The following GRIK3 variants were observed in gnomAD, a reference collection of about 807,000 sequenced individuals.
GRIK3 encodes glutamate ionotropic receptor kainate type subunit 3.
GRIK3 carries 29 observed loss-of-function variants against 102.5 expected under a neutral mutation model. That is an observed-to-expected ratio of 0.28 (90% CI 0.21 to 0.39). The LOEUF is 0.39. Among genes scored for constraint, GRIK3 ranks in the 10% least tolerant of loss-of-function variants. GRIK3 has a pLI of 1.00. For synonymous variants in GRIK3, 511 were observed against 504.9 expected (o/e 1.01, Z -0.16); for missense variants, 908 against 1,252.4 (o/e 0.73, Z 4.15).
chr1:36,969,261 G>C (rs1230106537), intron 1 of GRIK3, among the ~76,000 whole-genome samples: 1 of 152,196 alleles, frequency 6.6e-6, no homozygotes, highest in East Asian at 1.9e-4. Flanking sequence ...GGTCACACCT[G>C]CCCCTCAGAA....
At chr1:36,821,300 A>G (rs1642693042) in intron 11 of GRIK3, among the ~76,000 whole-genome samples, 1 of 152,362 alleles carries the variant, frequency 6.6e-6, no homozygotes, top group Non-Finnish European at 1.5e-5. Context: ...TCTAAAATCC[A>G]CAGGGAAGAG....
intron 9 of GRIK3, among the ~76,000 whole-genome samples, chr1:36,845,722 T>C (rs1232981651): frequency 1.3e-5 from 2 of 152,210 alleles, no homozygotes; most frequent in Admixed American, 1.3e-4. Context: ...CCAAGGACCT[T>C]GGACCTGAGG....
rs189486817 is a variant in GRIK3, at chr1:36,819,599, C to T, written c.1873+137G>A. On this transcript the variant is annotated intron_variant, in intron 12 of 15. Transcript: ENST00000373091. The surrounding 1 kb of genome is among the most constrained non-coding windows in gnomAD (Gnocchi z 4.1). ...GGCACACACCTGGGTATCTCGATGT[C>T]TCCAAACTTCTGCCGGCTCATCAGG... 8.3e-4 allele frequency: 529 copies of T among 637,986 alleles called. 1 individual carries two copies. Among genetic ancestry groups the T allele is most frequent in the South Asian group, 4.0e-3 (219 of 54,826 alleles). The allele number at this position is 637,986 out of a possible 1,614,324, so 39.5% of individuals were successfully genotyped here.
intron 1 of GRIK3, among the ~76,000 whole-genome samples, chr1:37,026,041 C>A (rs1481271545): frequency 1.3e-5 from 2 of 152,144 alleles, no homozygotes; most frequent in Admixed American, 1.3e-4. Context: ...GGGCCTCTAG[C>A]CTCAGACCCT....
intron 1 of GRIK3, among the ~76,000 whole-genome samples, chr1:37,006,413 G>A (rs1054739511): frequency 1.3e-5 from 2 of 152,262 alleles, no homozygotes; most frequent in African/African-American, 4.8e-5. Flanking sequence ...AAAGAACAGA[G>A]GTTGCCACGT....
intron 1 of GRIK3, among the ~76,000 whole-genome samples, chr1:37,013,378 C>T (rs752624536): frequency 6.6e-6 from 1 of 152,204 alleles, no homozygotes; most frequent in Non-Finnish European, 1.5e-5. Flanking sequence ...CCAGACAGCC[C>T]GGCATCTTGT....
At chr1:36,976,172 C>T (rs181216400) in intron 1 of GRIK3, among the ~76,000 whole-genome samples, 3 of 152,148 alleles carry the variant, frequency 2.0e-5, no homozygotes, top group East Asian at 3.9e-4. Flanking sequence ...GCTGGATGTG[C>T]GATGGGCCCT....
chr1:36,839,275 T>C (rs1170316420), intron 10 of GRIK3, among the ~76,000 whole-genome samples: 2 of 152,170 alleles, frequency 1.3e-5, no homozygotes, highest in African/African-American at 4.8e-5. Context: ...ATGGATAAGA[T>C]GGAGATGCCT....
intron 1 of GRIK3, among the ~76,000 whole-genome samples, chr1:36,938,832 GA>G (rs1200717581): frequency 6.6e-6 from 1 of 152,296 alleles, no homozygotes; most frequent in East Asian, 1.9e-4. Flanking sequence ...AGGGGAGGGA[GA>G]AGACATTTTC....
intron 13 of GRIK3, among the ~76,000 whole-genome samples, chr1:36,807,501 T>G (rs1642514365): frequency 6.6e-6 from 1 of 152,166 alleles, no homozygotes; most frequent in South Asian, 2.1e-4. Flanking sequence ...CCAGCTCCAG[T>G]ATGCCTGATG....
chr1:36,951,978 G>A (rs974101152), intron 1 of GRIK3, among the ~76,000 whole-genome samples: 3 of 152,108 alleles, frequency 2.0e-5, no homozygotes, highest in Non-Finnish European at 4.4e-5. Flanking sequence ...GAGGAGCATC[G>A]AAGGGAAATG....
chr1:36,897,397 CACAAAGG>C (rs1350151637), intron 1 of GRIK3, among the ~76,000 whole-genome samples: 1 of 152,146 alleles, frequency 6.6e-6, no homozygotes, highest in Non-Finnish European at 1.5e-5. Flanking sequence ...CTAATAATCT[CACAAAGG>C]ACAAACTACC....
Position 36,872,038 on chromosome 1 carries a change from G to T in GRIK3, c.732+150C>A. 1 of 698,800 alleles carries T rather than the reference G, an allele frequency of 1.4e-6. No individual in the cohort carries two copies. The highest frequency in any genetic ancestry group is 2.3e-6 in the Non-Finnish European group (1 of 436,428). 43.3% of individuals were successfully genotyped at this position (698,800 alleles called of 1,614,324 possible). A position where few individuals can be genotyped will look rare whatever the true frequency, so the allele number is the denominator to read the frequency against. ...ACTGGTGAAAATGAGGCTCAGAGAG[G>T]CAAACCACCCAAGGTCACACAGCAG... On this transcript the variant is annotated intron_variant, in intron 4 of 15. Transcript: ENST00000373091. This position sits in a 1 kb window ranked among gnomAD's most constrained non-coding sequence, Gnocchi z 5.9.
chr1:36,894,835 C>T (rs1402892135), intron 1 of GRIK3, among the ~76,000 whole-genome samples: 1 of 152,102 alleles, frequency 6.6e-6, no homozygotes, highest in African/African-American at 2.4e-5. Context: ...GAGAAAAATC[C>T]CCATGTGCTT....
intron 1 of GRIK3, among the ~76,000 whole-genome samples, chr1:36,990,789 G>A (rs961609639): frequency 6.6e-6 from 1 of 152,150 alleles, no homozygotes; most frequent in Non-Finnish European, 1.5e-5. Context: ...CTGGGAGTTG[G>A]TGGCCAGAGT....
intron 3 of GRIK3, among the ~76,000 whole-genome samples, chr1:36,875,047 C>T (rs754732793): frequency 6.6e-5 from 10 of 152,284 alleles, no homozygotes; most frequent in South Asian, 4.1e-4. Context: ...ACTCACAAAG[C>T]GCTTCTGCAT....
intron 10 of GRIK3, among the ~76,000 whole-genome samples, chr1:36,839,514 C>T (rs1314604870): frequency 6.6e-6 from 1 of 151,660 alleles, no homozygotes; most frequent in Admixed American, 6.6e-5. Flanking sequence ...TCCTGAAGCC[C>T]CCTCCCCAGC....
chr1:36,910,095 A>G (rs1033944827), intron 1 of GRIK3, among the ~76,000 whole-genome samples: 5 of 152,040 alleles, frequency 3.3e-5, no homozygotes, highest in Admixed American at 3.3e-4. Context: ...TCTCTTCAAT[A>G]ACTCTGTGCT....
intron 5 of GRIK3, among the ~76,000 whole-genome samples, chr1:36,864,272 G>A (rs1344774345): frequency 6.6e-6 from 1 of 152,016 alleles, no homozygotes; most frequent in Non-Finnish European, 1.5e-5. Flanking sequence ...TTTCAACCAG[G>A]AGGGTCTGGG....
Sources: gnomAD v4.1 joint callset for allele counts (sites outside exome capture counted in the v4.1 genomes callset) on GRCh38, gnomAD v4.1.1 for gene constraint, Gnocchi (gnomAD v3.1) non-coding constraint, MANE v1.5 for transcripts, NCBI Gene and HGNC (gene_info 2026-07-23, HGNC 2026-07-21) for gene names.